BICC1: variants seen among roughly 807,000 people sequenced by gnomAD.
The protein encoded by BICC1 is BicC family RNA binding protein 1.
BICC1 carries 43 observed loss-of-function variants against 111.0 expected under a neutral mutation model. The ratio of observed to expected loss-of-function variants is 0.39; its 90% CI spans 0.30 to 0.50. The LOEUF (loss-of-function observed/expected upper bound fraction) is 0.50. BICC1 is among the 20% of genes least tolerant of loss of function. BICC1 has a pLI of 0.88. For synonymous variants in BICC1, 467 were observed against 434.4 expected (o/e 1.07, Z -0.93); for missense variants, 1,091 against 1,203.2 (o/e 0.91, Z 1.38).
In BICC1 at chr10:58,754,201, T is replaced by C. The variant is rs533466501; in HGVS notation, c.308-30800T>C. Among the ~76,000 whole-genome samples the C allele has an allele frequency of 2.6e-5, 4 of 152,356 alleles. No homozygotes were observed. In the South Asian group the frequency reaches 8.3e-4, roughly 32 times the overall value. On this transcript the variant is annotated intron_variant, in intron 3 of 20. Coordinates refer to ENST00000373886, the MANE Select transcript of BICC1 (RefSeq NM_001080512.3). ...TTCATGTACAGCTCAAACATAGCTC[T>C]GTATAATGTTGCCTTTTTTTACTCT...
At chr10:58,819,973 C>T (rs1224801309) in intron 19 of BICC1, among the ~76,000 whole-genome samples, 5 of 152,154 alleles carry the variant, frequency 3.3e-5, no homozygotes, top group Admixed American at 6.6e-5. Context: ...CTGTGTTGAA[C>T]ACAAAGGAAG....
intron 2 of BICC1, among the ~76,000 whole-genome samples, chr10:58,656,346 T>TA (rs1838648412): frequency 6.6e-6 from 1 of 150,740 alleles, no homozygotes; most frequent in African/African-American, 2.4e-5. Flanking sequence ...CTAACTCATT[T>TA]TATGAGGCCA....
At chr10:58,553,880 G>A (rs189292700) in intron 1 of BICC1, among the ~76,000 whole-genome samples, 1 of 151,988 alleles carries the variant, frequency 6.6e-6, no homozygotes, top group South Asian at 2.1e-4. Flanking sequence ...TACTGGGTCT[G>A]GATGGGAAAG....
At chr10:58,820,099 T>G (rs1844211308) in intron 19 of BICC1, among the ~76,000 whole-genome samples, 1 of 152,172 alleles carries the variant, frequency 6.6e-6, no homozygotes, top group South Asian at 2.1e-4. Context: ...ATGCTCTTCC[T>G]TTTATCAGTT....
chr10:58,558,898 A>C (rs1169961224), intron 1 of BICC1, among the ~76,000 whole-genome samples: 2 of 152,084 alleles, frequency 1.3e-5, no homozygotes, highest in Non-Finnish European at 2.9e-5. Context: ...GTCACTGATC[A>C]CATTTATGAG....
intron 3 of BICC1, among the ~76,000 whole-genome samples, chr10:58,751,687 A>G (rs190542449): frequency 7.9e-4 from 121 of 152,284 alleles, no homozygotes; most frequent in African/African-American, 2.7e-3. Context: ...GCTAGTCAAA[A>G]TACATATTCT....
chr10:58,731,623 C>T lies in BICC1; in HGVS notation c.307+29480C>T, dbSNP rs552131581. 1.1e-4 allele frequency among the ~76,000 whole-genome samples: 17 copies of T among 152,260 alleles called. No individual in the cohort carries two copies. In the East Asian group the frequency reaches 3.3e-3, roughly 29 times the overall value. On this transcript the variant is annotated intron_variant, in intron 3 of 20. Transcript: ENST00000373886. ...GTGTAGGAAGCTTGGCAGCATCTGC[C>T]TCTGGGGAGGCCTCAGGAAGCTTGT...
chr10:58,698,374 C>G (rs1840128809), intron 2 of BICC1, among the ~76,000 whole-genome samples: 1 of 152,154 alleles, frequency 6.6e-6, no homozygotes, highest in African/African-American at 2.4e-5. Context: ...TTTTTCCAGA[C>G]CTTTCCACAT....
intron 1 of BICC1, among the ~76,000 whole-genome samples, chr10:58,612,744 T>C (rs187700741): frequency 6.6e-6 from 1 of 152,378 alleles, no homozygotes; most frequent in East Asian, 1.9e-4. Context: ...ATCAAGGTAA[T>C]GTTTAAAGAT....
At chr10:58,616,093 G>A (rs529778583) in intron 1 of BICC1, among the ~76,000 whole-genome samples, 1 of 152,284 alleles carries the variant, frequency 6.6e-6, no homozygotes, top group African/African-American at 2.4e-5. Context: ...TGCAGGCAGG[G>A]TGCCTGGAGG....
chr10:58,656,743 AT>A (rs1838666533), intron 2 of BICC1, among the ~76,000 whole-genome samples: 1 of 152,104 alleles, frequency 6.6e-6, no homozygotes, highest in Non-Finnish European at 1.5e-5. Flanking sequence ...CAGTTCTAAA[AT>A]TTTATTCCCT....
intron 2 of BICC1, among the ~76,000 whole-genome samples, chr10:58,645,628 C>A (rs750826937): frequency 6.6e-6 from 1 of 152,092 alleles, no homozygotes; most frequent in Admixed American, 6.6e-5. Flanking sequence ...GTGTAGTAAA[C>A]CCTATTACTA....
chr10:58,567,205 C>T (rs138917100), intron 1 of BICC1, among the ~76,000 whole-genome samples: 121 of 152,184 alleles, frequency 8.0e-4, no homozygotes, highest in African/African-American at 2.8e-3. Context: ...TAATGGTTTA[C>T]TTACATTTTG....
At chr10:58,733,471 T>C (rs1030185317) in intron 3 of BICC1, among the ~76,000 whole-genome samples, 48 of 152,234 alleles carry the variant, frequency 3.2e-4, no homozygotes, top group African/African-American at 9.2e-4. Context: ...ACTAGAGTAA[T>C]AATCACAGGT....
At chr10:58,526,401 T>A (rs544922493) in intron 1 of BICC1, among the ~76,000 whole-genome samples, 49 of 152,148 alleles carry the variant, frequency 3.2e-4, no homozygotes, top group Admixed American at 2.3e-3. Flanking sequence ...CTTTTTTTCT[T>A]AATTATACTT....
chr10:58,681,321 A>C (rs1056212493), intron 2 of BICC1, among the ~76,000 whole-genome samples: 2 of 152,240 alleles, frequency 1.3e-5, no homozygotes, highest in Non-Finnish European at 2.9e-5. Flanking sequence ...CTAATAAGAA[A>C]ATAACTCCAT....
At chr10:58,744,775 G>A (rs1841780551) in intron 3 of BICC1, among the ~76,000 whole-genome samples, 1 of 152,028 alleles carries the variant, frequency 6.6e-6, no homozygotes, top group Admixed American at 6.6e-5. Context: ...TCTGGACCAG[G>A]GTTCAAGGAA....
At chr10:58,613,640 T>G (rs572750229) in intron 1 of BICC1, among the ~76,000 whole-genome samples, 1 of 152,300 alleles carries the variant, frequency 6.6e-6, no homozygotes, top group East Asian at 1.9e-4. Flanking sequence ...GCTGTCCAGC[T>G]CCAGTGTTGG....
chr10:58,794,694 A>G (rs750989726), intron 9 of BICC1, among the ~76,000 whole-genome samples: 2 of 152,208 alleles, frequency 1.3e-5, no homozygotes, highest in African/African-American at 2.4e-5. Flanking sequence ...TGCTGGGATT[A>G]CAGGTGTGAG....
Sources: allele counts gnomAD v4.1 joint callset (sites outside exome capture counted in the v4.1 genomes callset), GRCh38; gene constraint gnomAD v4.1.1; transcripts MANE v1.5; gene names NCBI Gene and HGNC (gene_info 2026-07-23, HGNC 2026-07-21).